The following GATAD2A variants were observed in gnomAD, a reference collection of about 807,000 sequenced individuals.
GATAD2A encodes transcriptional repressor p66-alpha.
In GATAD2A, 12 loss-of-function variants were observed where a neutral mutation model predicts 68.5. That is an observed-to-expected ratio of 0.18 (90% CI 0.11 to 0.28). GATAD2A has a LOEUF of 0.28. Among genes scored for constraint, GATAD2A ranks in the 10% least tolerant of loss-of-function variants. The probability of loss-of-function intolerance (pLI) is 1.00; values close to 1 mark genes in which losing one functional copy is unlikely to be tolerated. For missense variants in GATAD2A, 755 were observed against 868.5 expected (o/e 0.87, Z 1.64); for synonymous variants, 410 against 375.3 (o/e 1.09, Z -1.07).
intron 1 of GATAD2A, among the ~76,000 whole-genome samples, chr19:19,426,635 C>T (rs994745338): frequency 7.9e-5 from 12 of 152,234 alleles, no homozygotes; most frequent in Middle Eastern, 3.4e-3. Context: ...CTCAGCCTCC[C>T]GAGTAGCTGA....
chr19:19,454,452 A>T (rs2147868422), intron 1 of GATAD2A, among the ~76,000 whole-genome samples: 1 of 151,968 alleles, frequency 6.6e-6, no homozygotes, highest in South Asian at 2.1e-4. Context: ...ACAAAAAATT[A>T]GCTGGGTGTG....
chr19:19,472,840 T>C (rs919705517), intron 2 of GATAD2A: 10 of 152,266 alleles, frequency 6.6e-5, no homozygotes, highest in African/African-American at 1.4e-4. Context: ...TCAACTCTTA[T>C]TGGATTGTCA....
At chr19:19,457,128 T>C in intron 1 of GATAD2A, 1 of 985,436 alleles carries the variant, frequency 1.0e-6, no homozygotes, top group African/African-American at 1.7e-5. Flanking sequence ...GCATCCAGTA[T>C]GTGCAGCACA....
At position 19,477,341 on chromosome 19, in the gene GATAD2A, C is replaced by T. The variant is rs140976279; in HGVS notation, c.269+11727C>T. 5.5e-3 allele frequency among the ~76,000 whole-genome samples: 830 copies of T among 152,166 alleles called. 7 individuals are homozygous for T. Among genetic ancestry groups the T allele is most frequent in the South Asian group, 0.044 (214 of 4,820 alleles). On this transcript the variant is annotated intron_variant, in intron 2 of 11. Transcript: ENST00000683918. ...GCTTATATCTTTAAAATAGTTGTGA[C>T]GTCATCAAATTGAAAAGCTTTGGGG...
At position 19,502,026 on chromosome 19, in the gene GATAD2A, A is replaced by G; in HGVS notation, c.1561A>G (p.Asn521Asp). ...CTCAGGAGAGGCCCGCGACTGGAGT[A>G]ACGGGGCTGTGCTACAGGTCAGAAC... ...FRSGEARDWS[N>D]GAVLQASSQL... The change falls in exon 10 of 12, where the codon AAC becomes GAC. Residue 521 changes from asparagine to aspartate, a missense_variant. Coordinates refer to ENST00000683918, the MANE Select transcript of GATAD2A (RefSeq NM_001384528.1). 6.2e-7 allele frequency: 1 copy of G among 1,613,536 alleles called. No homozygotes were observed. The highest frequency in any genetic ancestry group is 8.5e-7 in the Non-Finnish European group (1 of 1,179,602).
intron 1 of GATAD2A, among the ~76,000 whole-genome samples, chr19:19,454,852 C>T (rs753328807): frequency 7.2e-5 from 11 of 151,838 alleles, no homozygotes; most frequent in African/African-American, 1.2e-4. Context: ...AGAGGACCGT[C>T]GAGGTGTAAC....
At chr19:19,455,052 G>A (rs946159577) in intron 1 of GATAD2A, among the ~76,000 whole-genome samples, 5 of 152,130 alleles carry the variant, frequency 3.3e-5, no homozygotes, top group Non-Finnish European at 2.9e-5. Flanking sequence ...TACCAACCGT[G>A]GATTGAAAAT....
chr19:19,413,635 G>A (rs1181286576), intron 1 of GATAD2A, among the ~76,000 whole-genome samples: 1 of 152,148 alleles, frequency 6.6e-6, no homozygotes. Flanking sequence ...AGGCTGGAGT[G>A]CAGTGGCGCA....
intron 1 of GATAD2A, among the ~76,000 whole-genome samples, chr19:19,393,452 T>C (rs1002393114): frequency 3.3e-5 from 5 of 152,260 alleles, no homozygotes; most frequent in Non-Finnish European, 2.9e-5. Context: ...TGTAACTTCC[T>C]ATGCGAACAA....
chr19:19,432,204 A>C (rs1018547667), intron 1 of GATAD2A, among the ~76,000 whole-genome samples: 1 of 152,084 alleles, frequency 6.6e-6, no homozygotes, highest in African/African-American at 2.4e-5. Context: ...TGAGCTCCTG[A>C]TCTCAGGTGA....
At chr19:19,448,687 A>T (rs1340388556) in intron 1 of GATAD2A, among the ~76,000 whole-genome samples, 1 of 151,986 alleles carries the variant, frequency 6.6e-6, no homozygotes, top group East Asian at 1.9e-4. Flanking sequence ...ATGGGGTTTC[A>T]CCACGTTGGC....
intron 1 of GATAD2A, among the ~76,000 whole-genome samples, chr19:19,395,124 T>C (rs1353725954): frequency 1.3e-5 from 2 of 152,148 alleles, no homozygotes; most frequent in African/African-American, 4.8e-5. Context: ...TCTCCCTCCT[T>C]ACAGGCTGAG....
At position 19,505,610 on chromosome 19, in the gene GATAD2A, C is replaced by G; in HGVS notation, c.*136C>G. On this transcript the variant is annotated 3_prime_UTR_variant, in exon 12 of 12. Transcript: ENST00000683918. ...CCAAGAGCAAGCACCGGCCATGCTGCAGAGGCAAGACCTCAATTCTTGGCT... is the reference window on the plus strand; with the variant it reads ...CCAAGAGCAAGCACCGGCCATGCTGGAGAGGCAAGACCTCAATTCTTGGCT... 1.3e-6 allele frequency: 1 copy of G among 746,250 alleles called. No individual in the cohort carries two copies. Among genetic ancestry groups the G allele is most frequent in the Non-Finnish European group, 2.0e-6 (1 of 488,078 alleles). 46.2% of individuals were successfully genotyped at this position (746,250 alleles called of 1,614,324 possible).
chr19:19,436,761 C>A (rs2054403425), intron 1 of GATAD2A, among the ~76,000 whole-genome samples: 1 of 152,204 alleles, frequency 6.6e-6, no homozygotes, highest in Non-Finnish European at 1.5e-5. Context: ...TACCATCAAG[C>A]CTGGTCAGCG....
intron 1 of GATAD2A, among the ~76,000 whole-genome samples, chr19:19,447,136 G>A (rs2055817229): frequency 6.6e-6 from 1 of 152,234 alleles, no homozygotes. Context: ...GTCAAGTGGT[G>A]ATGAGGCAGG....
chr19:19,479,302 C>G (rs1252010477), intron 2 of GATAD2A, among the ~76,000 whole-genome samples: 1 of 152,190 alleles, frequency 6.6e-6, no homozygotes, highest in Non-Finnish European at 1.5e-5. Context: ...AGAAAAGTTG[C>G]AAAGATCAGT....
chr19:19,400,902 C>G (rs1340777435), upstream of GATAD2A, among the ~76,000 whole-genome samples: 1 of 152,050 alleles, frequency 6.6e-6, no homozygotes, highest in East Asian at 1.9e-4. Flanking sequence ...AATCCCAGCA[C>G]TTTGGGAGGC....
chr19:19,399,890 A>G (rs903074997), intron 1 of GATAD2A, among the ~76,000 whole-genome samples: 3 of 152,190 alleles, frequency 2.0e-5, no homozygotes, highest in East Asian at 1.9e-4. Flanking sequence ...GTTTTTCTGC[A>G]TGTCCAACTA....
At chr19:19,481,851 G>A (rs2059085514) in intron 2 of GATAD2A, among the ~76,000 whole-genome samples, 1 of 152,204 alleles carries the variant, frequency 6.6e-6, no homozygotes, top group Non-Finnish European at 1.5e-5. Context: ...GCCTGTTACA[G>A]CACTTTGGGA....
Sources: allele counts gnomAD v4.1 joint callset (sites outside exome capture counted in the v4.1 genomes callset), GRCh38; gene constraint gnomAD v4.1.1; transcripts MANE v1.5; gene names NCBI Gene and HGNC (gene_info 2026-07-23, HGNC 2026-07-21).